The following AGAP1 variants were observed in gnomAD, a reference collection of about 807,000 sequenced individuals.
The protein encoded by AGAP1 is ArfGAP with GTPase domain, ankyrin repeat and PH domain 1.
In AGAP1, 29 loss-of-function variants were observed where a neutral mutation model predicts 105.3. The ratio of observed to expected loss-of-function variants is 0.28; its 90% CI spans 0.21 to 0.38. AGAP1 has a LOEUF of 0.38. AGAP1 is among the 10% of genes least tolerant of loss of function. The pLI, the probability that AGAP1 is intolerant of heterozygous loss-of-function variation, is 1.00. For synonymous variants in AGAP1, 509 were observed against 485.9 expected (o/e 1.05, Z -0.63); for missense variants, 998 against 1,165.1 (o/e 0.86, Z 2.09).
Position 235,813,540 on chromosome 2 carries a change from G to A in AGAP1, c.1050+6209G>A, listed in dbSNP as rs142828325. Among the ~76,000 whole-genome samples, 141 of 152,322 alleles carry A rather than the reference G, an allele frequency of 9.3e-4. 2 individuals carry two copies. The highest frequency in any genetic ancestry group is 3.1e-3 in the African/African-American group (130 of 41,566). On this transcript the variant is annotated intron_variant, in intron 9 of 17. Transcript: ENST00000304032. Reference sequence around the variant, plus strand: ...GTGATGGGCTGTGGCTCACTTCTTCGGTGTCCCGCAGCTCAGACCCCTAGG... The same window carrying A: ...GTGATGGGCTGTGGCTCACTTCTTCAGTGTCCCGCAGCTCAGACCCCTAGG...
chr2:235,927,437 ACATTCACAGCAG>A lies in AGAP1; in HGVS notation c.1325-3315_1325-3304del, dbSNP rs1272157210. Reference sequence around the variant, plus strand: ...GACAGACAGAAGTTTGAAAACCAGTACATTCACAGCAGCATTCACAGCAGAGTCCTGTTGTTT... The same window carrying A: ...GACAGACAGAAGTTTGAAAACCAGTACATTCACAGCAGAGTCCTGTTGTTT... On this transcript the variant is annotated intron_variant, in intron 11 of 17. Transcript: ENST00000304032. The surrounding 1 kb of genome is among the most constrained non-coding windows in gnomAD (Gnocchi z 4.4). Among the ~76,000 whole-genome samples the A allele has an allele frequency of 6.6e-6, 1 of 152,204 alleles. No individual in the cohort carries two copies. Among genetic ancestry groups the A allele is most frequent in the Non-Finnish European group, 1.5e-5 (1 of 68,040 alleles).
At position 235,744,954 on chromosome 2, in the gene AGAP1, ACTT is replaced by A; in HGVS notation, c.538+116_538+118del. On this transcript the variant is annotated intron_variant, in intron 5 of 17. Transcript: ENST00000304032. This position sits in a 1 kb window ranked among gnomAD's most constrained non-coding sequence, Gnocchi z 5.2. ...AGGAAAAATTGCCTACTGAACGCTC[ACTT>A]TTTTGGGAAAAATTATGGAACTGAA... is the stretch of plus-strand genomic sequence containing the variant. 1 of 1,261,994 alleles carries A rather than the reference ACTT, an allele frequency of 7.9e-7. No individual in the cohort carries two copies. The allele number at this position is 1,261,994 out of a possible 1,614,324, so 78.2% of individuals were successfully genotyped here.
rs1383219769 is a variant in AGAP1 at position 236,087,874 on chromosome 2, G to A, written c.2115-32318G>A. Among the ~76,000 whole-genome samples the A allele has an allele frequency of 6.6e-6, 1 of 152,194 alleles. No individual in the cohort carries two copies. Among genetic ancestry groups the A allele is most frequent in the Non-Finnish European group, 1.5e-5 (1 of 68,044 alleles). On this transcript the variant is annotated intron_variant, in intron 16 of 17. Transcript: ENST00000304032. The surrounding 1 kb of genome is among the most constrained non-coding windows in gnomAD (Gnocchi z 5.7). ...TTGCCAGGAGGAGACGTTACAGCAG[G>A]TCCTCTCTGGTTGGGACCTGCTTAA...
chr2:235,496,491 C>T (rs1057142990), intron 1 of AGAP1, among the ~76,000 whole-genome samples: 1 of 152,210 alleles, frequency 6.6e-6, no homozygotes, highest in Non-Finnish European at 1.5e-5. Context: ...GCTGTGAAGG[C>T]TGCACGGTGC....
In AGAP1 at chr2:236,121,077, G is replaced by C; in HGVS notation, c.2370+630G>C. On this transcript the variant is annotated intron_variant, in intron 17 of 17. Coordinates refer to ENST00000304032, the MANE Select transcript of AGAP1 (RefSeq NM_001037131.3). The surrounding 1 kb of genome is among the most constrained non-coding windows in gnomAD (Gnocchi z 4.9). Reference sequence around the variant, plus strand: ...ACCCCTGGGGCTTCTGCTGAGGCAGGTTCCCACCAGAGGCAGGCAGAAAGC... The same window carrying C: ...ACCCCTGGGGCTTCTGCTGAGGCAGCTTCCCACCAGAGGCAGGCAGAAAGC... Among the ~76,000 whole-genome samples, 1 of 152,308 alleles carries C rather than the reference G, an allele frequency of 6.6e-6. No homozygotes were observed. The highest frequency in any genetic ancestry group is 2.1e-4 in the South Asian group (1 of 4,830).
At chr2:235,706,635 G>A (rs1443327057) in intron 1 of AGAP1, among the ~76,000 whole-genome samples, 2 of 152,196 alleles carry the variant, frequency 1.3e-5, no homozygotes, top group East Asian at 3.8e-4. Context: ...GTAGCCTGGG[G>A]ACTTGGGGAA....
At chr2:235,918,380 T>A (rs2052006284) in intron 11 of AGAP1, among the ~76,000 whole-genome samples, 1 of 152,220 alleles carries the variant, frequency 6.6e-6, no homozygotes, top group African/African-American at 2.4e-5. Flanking sequence ...TATTTGACAA[T>A]TTTTAGGGAA....
At chr2:236,111,201 C>T (rs138339175) in intron 16 of AGAP1, among the ~76,000 whole-genome samples, 1 of 152,268 alleles carries the variant, frequency 6.6e-6, no homozygotes, top group African/African-American at 2.4e-5. Flanking sequence ...AGGGAAGGCA[C>T]CCTCACTGCA....
In AGAP1 at chr2:236,062,212, T is replaced by G. The variant is rs1034116168; in HGVS notation, c.2114+12931T>G. On this transcript the variant is annotated intron_variant, in intron 16 of 17. Coordinates refer to ENST00000304032, the MANE Select transcript of AGAP1 (RefSeq NM_001037131.3). The surrounding 1 kb of genome is among the most constrained non-coding windows in gnomAD (Gnocchi z 4.2). The stretch of plus-strand genomic sequence containing the variant: ...GGAGTCCCTGGGAGAGATCAGGCAC[T>G]TGACAAGCCCTGCCTCTTGGAATCC... Among the ~76,000 whole-genome samples the G allele has an allele frequency of 1.3e-5, 2 of 152,192 alleles. No homozygotes were observed. Among genetic ancestry groups the G allele is most frequent in the African/African-American group, 4.8e-5 (2 of 41,448 alleles).
At chr2:235,790,950 A>G (rs1267941484) in intron 6 of AGAP1, among the ~76,000 whole-genome samples, 1 of 152,226 alleles carries the variant, frequency 6.6e-6, no homozygotes, top group Non-Finnish European at 1.5e-5. Flanking sequence ...CATGGGTCCC[A>G]TGGTTCACTG....
At position 235,945,256 on chromosome 2, in the gene AGAP1, G is replaced by A. The variant is rs376284904; in HGVS notation, c.1483+14333G>A. 2.8e-3 allele frequency among the ~76,000 whole-genome samples: 431 copies of A among 152,076 alleles called. 2 individuals are homozygous for A. The highest frequency in any genetic ancestry group is 4.4e-3 in the Non-Finnish European group (297 of 68,006). The stretch of plus-strand genomic sequence containing the variant: ...TCTGGGGCTACAGGTGCCCGCCACC[G>A]CGCCCGGCTAATTTTTTGTATTTTT... On this transcript the variant is annotated intron_variant, in intron 12 of 17. Transcript: ENST00000304032.
Position 236,095,086 on chromosome 2 carries a change from G to A in AGAP1, c.2115-25106G>A, listed in dbSNP as rs956491875. ...TGTACTTTAGCCTTGGTGAGAGTGAGACACTGTCTCAAAAAAGTTGTGGGG... is the reference window on the plus strand; with the variant it reads ...TGTACTTTAGCCTTGGTGAGAGTGAAACACTGTCTCAAAAAAGTTGTGGGG... On this transcript the variant is annotated intron_variant, in intron 16 of 17. Coordinates refer to ENST00000304032, the MANE Select transcript of AGAP1 (RefSeq NM_001037131.3). This position sits in a 1 kb window ranked among gnomAD's most constrained non-coding sequence, Gnocchi z 4.1. 2.7e-5 allele frequency among the ~76,000 whole-genome samples: 4 copies of A among 150,888 alleles called. No homozygotes were observed. Among genetic ancestry groups the A allele is most frequent in the African/African-American group, 9.8e-5 (4 of 40,986 alleles).
chr2:235,940,350 G>A lies in AGAP1; in HGVS notation c.1483+9427G>A, dbSNP rs2053202560. ...CACCTTTTAAAAAAACAAAACATGA[G>A]CCAGATTGCCACTCCCCACACCCAC... is the stretch of plus-strand genomic sequence containing the variant. On this transcript the variant is annotated intron_variant, in intron 12 of 17. Coordinates refer to ENST00000304032, the MANE Select transcript of AGAP1 (RefSeq NM_001037131.3). Among the ~76,000 whole-genome samples the A allele has an allele frequency of 3.3e-5, 5 of 152,122 alleles. No individual in the cohort carries two copies. In the South Asian group the frequency reaches 1.0e-3, roughly 32 times the overall value.
At chr2:236,025,908 G>GTGGGTGGATGGA (rs547504974) in intron 13 of AGAP1, among the ~76,000 whole-genome samples, 11 of 100,316 alleles carry the variant, frequency 1.1e-4, no homozygotes, top group South Asian at 9.9e-4. Context: ...TCTCGGGTGG[G>GTGGGTGGATGGA]TGGATGGATG....
intron 12 of AGAP1, among the ~76,000 whole-genome samples, chr2:235,949,475 G>A (rs76905006): frequency 0.086 from 13,123 of 152,062 alleles, 1,448 homozygotes; most frequent in African/African-American, 0.25. Context: ...CCACCTCTCC[G>A]CCTGTTCTTC....
rs2049908291 is a variant in AGAP1, at chr2:235,879,565, TC to T, written c.1051-3778del. ...AAGATCTTAAGTTTATTGAGAGTTT[TC>T]CTAGGATCAAAAGAAAATCAGCGTA... On this transcript the variant is annotated intron_variant, in intron 9 of 17. Transcript: ENST00000304032. This position sits in a 1 kb window ranked among gnomAD's most constrained non-coding sequence, Gnocchi z 5.0. Among the ~76,000 whole-genome samples the T allele has an allele frequency of 6.6e-6, 1 of 152,180 alleles. No individual in the cohort carries two copies. The highest frequency in any genetic ancestry group is 2.4e-5 in the African/African-American group (1 of 41,428).
At chr2:236,013,375 C>T (rs916524587) in intron 13 of AGAP1, among the ~76,000 whole-genome samples, 2 of 152,214 alleles carry the variant, frequency 1.3e-5, no homozygotes, top group Non-Finnish European at 2.9e-5. Flanking sequence ...ACACGCCGAA[C>T]CTACAACCAC....
intron 1 of AGAP1, among the ~76,000 whole-genome samples, chr2:235,605,230 GTAAT>G (rs1574949155): frequency 6.6e-6 from 1 of 152,210 alleles, no homozygotes; most frequent in Non-Finnish European, 1.5e-5. Flanking sequence ...GTGGTAATAA[GTAAT>G]AAATAATAAT....
Position 235,801,749 on chromosome 2 carries a change from C to T in AGAP1, c.957+2227C>T, listed in dbSNP as rs1014175002. 2.6e-5 allele frequency among the ~76,000 whole-genome samples: 4 copies of T among 152,232 alleles called. No homozygotes were observed. The highest frequency in any genetic ancestry group is 4.8e-5 in the African/African-American group (2 of 41,544). ...CCGGGAGGAGGGGCGGGCTTGTCATCGTGGTGGTCGAGAACACCTTCTGTG... is the reference window on the plus strand; with the variant it reads ...CCGGGAGGAGGGGCGGGCTTGTCATTGTGGTGGTCGAGAACACCTTCTGTG... On this transcript the variant is annotated intron_variant, in intron 8 of 17. Transcript: ENST00000304032. This position sits in a 1 kb window ranked among gnomAD's most constrained non-coding sequence, Gnocchi z 6.0.
Sources: allele counts gnomAD v4.1 joint callset (sites outside exome capture counted in the v4.1 genomes callset), GRCh38; gene constraint gnomAD v4.1.1; non-coding constraint Gnocchi (gnomAD v3.1); transcripts MANE v1.5; gene names NCBI Gene and HGNC (gene_info 2026-07-23, HGNC 2026-07-21).